The following ANO3 variants were observed in gnomAD, a reference collection of about 807,000 sequenced individuals.
ANO3 encodes the protein anoctamin 3.
A neutral mutation model predicts 144.8 loss-of-function variants in ANO3; 99 were observed. The observed-to-expected ratio is 0.68, with a 90% confidence interval of 0.58 to 0.81. The LOEUF (loss-of-function observed/expected upper bound fraction) is 0.81, where lower values mean the gene tolerates loss of function less well. ANO3 is among the 30% of genes least tolerant of loss of function. The pLI, the probability that ANO3 is intolerant of heterozygous loss-of-function variation, is 0.00. For missense variants in ANO3, 905 were observed against 1,202.2 expected (o/e 0.75, Z 3.66); for synonymous variants, 414 against 392.6 (o/e 1.05, Z -0.64).
intron 1 of ANO3, among the ~76,000 whole-genome samples, chr11:26,397,060 A>G (rs1857034166): frequency 6.7e-6 from 1 of 149,418 alleles, no homozygotes; most frequent in African/African-American, 2.4e-5. Context: ...GCTGTGAAAC[A>G]GAACCTTTAG....
chr11:26,598,834 A>G, intron 15 of ANO3, 24 bp from the exon 16 acceptor site: 4 of 1,603,604 alleles, frequency 2.5e-6, no homozygotes, highest in Non-Finnish European at 3.4e-6. Context: ...TTTGATATTT[A>G]GATAACTTTC....
intron 1 of ANO3, among the ~76,000 whole-genome samples, chr11:26,196,361 C>T (rs1456205417): frequency 2.0e-5 from 3 of 151,898 alleles, no homozygotes; most frequent in African/African-American, 7.3e-5. Flanking sequence ...TATCTGATTC[C>T]ACAGTAGATA....
chr11:26,202,281 TTATATATAATATAGATACATATTA>T lies in ANO3; in HGVS notation c.154+12959_154+12982del, dbSNP rs1317622050. Among the ~76,000 whole-genome samples the T allele has an allele frequency of 4.5e-3, 654 of 145,630 alleles. 3 individuals carry two copies. Among genetic ancestry groups the T allele is most frequent in the Admixed American group, 8.5e-3 (121 of 14,306 alleles). On this transcript the variant is annotated intron_variant, in intron 1 of 27. Transcript: ENST00000672621. Reference sequence around the variant, plus strand: ...TATATTAATATCTATATAATATATATTATATATAATATAGATACATATTATATATATCATATAGATACATATGAT... The same window carrying T: ...TATATTAATATCTATATAATATATATTATATATCATATAGATACATATGAT...
intron 1 of ANO3, among the ~76,000 whole-genome samples, chr11:26,401,374 T>C (rs1385349440): frequency 6.6e-6 from 1 of 152,064 alleles, no homozygotes; most frequent in Non-Finnish European, 1.5e-5. Flanking sequence ...ACTGTGAGAA[T>C]GCTCCTGCTA....
At chr11:26,280,366 A>G (rs1853651022) in intron 1 of ANO3, among the ~76,000 whole-genome samples, 1 of 152,108 alleles carries the variant, frequency 6.6e-6, no homozygotes, top group South Asian at 2.1e-4. Context: ...TTTTTAAGGC[A>G]TATTGACTCA....
intron 1 of ANO3, among the ~76,000 whole-genome samples, chr11:26,295,233 A>C (rs1402907618): frequency 1.3e-5 from 2 of 152,200 alleles, no homozygotes; most frequent in South Asian, 4.2e-4. Flanking sequence ...ATTTTCTAAC[A>C]CATTATTTTA....
At chr11:26,447,814 A>G (rs962328645) in intron 3 of ANO3, among the ~76,000 whole-genome samples, 2 of 152,212 alleles carry the variant, frequency 1.3e-5, no homozygotes, top group East Asian at 3.9e-4. Flanking sequence ...TGACCCTTGT[A>G]GCAGTGAATT....
At chr11:26,609,663 C>T (rs1200698882) in intron 17 of ANO3, among the ~76,000 whole-genome samples, 1 of 151,962 alleles carries the variant, frequency 6.6e-6, no homozygotes, top group South Asian at 2.1e-4. Context: ...GTGTTGATTC[C>T]ATATCTTCAC....
chr11:26,192,875 A>C (rs1485153290), intron 1 of ANO3, among the ~76,000 whole-genome samples: 1 of 152,128 alleles, frequency 6.6e-6, no homozygotes, highest in Non-Finnish European at 1.5e-5. Flanking sequence ...CCAGAGATTG[A>C]TGTAATTAAA....
chr11:26,322,076 C>G lies in ANO3; in HGVS notation c.-3+12357C>G, dbSNP rs528078128. Among the ~76,000 whole-genome samples the G allele has an allele frequency of 1.2e-4, 18 of 152,126 alleles. 1 individual carries two copies. The highest frequency in any genetic ancestry group is 3.4e-3 in the Middle Eastern group (1 of 292). On this transcript the variant is annotated intron_variant, in intron 1 of 26. Transcript: ENST00000525139. ...GATTCTTACTTTTGATCCTCTAGATCACTCATTTGGTTCTAACTATGAATC... is the reference window on the plus strand; with the variant it reads ...GATTCTTACTTTTGATCCTCTAGATGACTCATTTGGTTCTAACTATGAATC...
chr11:26,531,456 G>A, intron 8 of ANO3, 120 bp downstream of exon 8: 2 of 1,159,026 alleles, frequency 1.7e-6, no homozygotes, highest in Non-Finnish European at 2.4e-6. Flanking sequence ...ACTTATCATT[G>A]TATTAAAATA....
intron 9 of ANO3, among the ~76,000 whole-genome samples, chr11:26,537,119 A>G (rs1248551269): frequency 2.6e-5 from 4 of 151,928 alleles, no homozygotes; most frequent in African/African-American, 9.7e-5. Context: ...TCTGGGTCAC[A>G]TGATCCTAAC....
intron 17 of ANO3, among the ~76,000 whole-genome samples, chr11:26,619,065 T>C (rs1852340250): frequency 1.3e-5 from 2 of 152,216 alleles, no homozygotes; most frequent in South Asian, 4.1e-4. Flanking sequence ...ATAAGCTCCT[T>C]ATGAACAGGG....
chr11:26,392,060 T>C (rs536061959), intron 1 of ANO3, among the ~76,000 whole-genome samples: 6 of 152,074 alleles, frequency 3.9e-5, no homozygotes, highest in Non-Finnish European at 8.8e-5. Context: ...GTGCATTCTT[T>C]ACCCTTCCTC....
intron 1 of ANO3, among the ~76,000 whole-genome samples, chr11:26,289,136 T>A (rs1259216702): frequency 6.6e-6 from 1 of 152,094 alleles, no homozygotes; most frequent in Non-Finnish European, 1.5e-5. Flanking sequence ...TTTTATCTCT[T>A]AATATAAATT....
Position 26,490,345 on chromosome 11 carries a change from G to A in ANO3, c.433-17759G>A, listed in dbSNP as rs185404737. Among the ~76,000 whole-genome samples the A allele has an allele frequency of 2.2e-3, 342 of 152,236 alleles. 2 individuals are homozygous for A. Among genetic ancestry groups the A allele is most frequent in the Non-Finnish European group, 2.5e-3 (172 of 68,020 alleles). On this transcript the variant is annotated intron_variant, in intron 4 of 26. Transcript: ENST00000256737. ...AAACCTCTTTTTGTTCCCAGTTTTGGTGTGTCTTTATCAGCAGTGTGAAAA... is the reference window on the plus strand; with the variant it reads ...AAACCTCTTTTTGTTCCCAGTTTTGATGTGTCTTTATCAGCAGTGTGAAAA...
chr11:26,596,953 G>A (rs887488764), intron 14 of ANO3, among the ~76,000 whole-genome samples: 1 of 152,214 alleles, frequency 6.6e-6, no homozygotes, highest in Admixed American at 6.5e-5. Context: ...TCCCAACACA[G>A]AAGGGTTGGG....
intron 1 of ANO3, among the ~76,000 whole-genome samples, chr11:26,263,724 T>G (rs1242927180): frequency 6.6e-6 from 1 of 152,224 alleles, no homozygotes; most frequent in African/African-American, 2.4e-5. Context: ...GAAAAGCCCA[T>G]GTTTTCTGAA....
At chr11:26,634,080 CAAAAAAAA>C (rs10631901) in intron 18 of ANO3, 116 bp from the exon 19 acceptor site, 4 of 359,578 alleles carry the variant, frequency 1.1e-5, no homozygotes, top group Non-Finnish European at 1.4e-5. Context: ...ACTCCATTTC[CAAAAAAAA>C]AAAAAAAAAA....
Sources: allele counts gnomAD v4.1 joint callset (sites outside exome capture counted in the v4.1 genomes callset), GRCh38; gene constraint gnomAD v4.1.1; transcripts MANE v1.5; gene names NCBI Gene and HGNC (gene_info 2026-07-23, HGNC 2026-07-21).